CD9: variants seen among roughly 807,000 people sequenced by gnomAD.
CD9 encodes the protein CD9 antigen.
A neutral mutation model predicts 31.4 loss-of-function variants in CD9; 10 were observed. The observed-to-expected ratio is 0.32, with a 90% CI of 0.20 to 0.54. The LOEUF (loss-of-function observed/expected upper bound fraction) is 0.54. Among genes scored for constraint, CD9 ranks in the 20% least tolerant of loss-of-function variants. The probability of loss-of-function intolerance (pLI) is 0.94; values close to 1 mark genes in which losing one functional copy is unlikely to be tolerated. For missense variants in CD9, 259 were observed against 300.1 expected (o/e 0.86, Z 1.01); for synonymous variants, 113 against 114.1 (o/e 0.99, Z 0.06).
intron 1 of CD9, among the ~76,000 whole-genome samples, chr12:6,209,327 G>T (rs551749597): frequency 2.0e-5 from 3 of 152,220 alleles, no homozygotes; most frequent in African/African-American, 7.2e-5. Context: ...CTTGTAGGTG[G>T]GCAGTTGCAG....
intron 1 of CD9, among the ~76,000 whole-genome samples, chr12:6,209,367 A>C (rs1946168003): frequency 6.6e-6 from 1 of 152,190 alleles, no homozygotes; most frequent in African/African-American, 2.4e-5. Flanking sequence ...CCCCAGATTT[A>C]TGCCCAACTC....
chr12:6,200,432 C>G lies in CD9; in HGVS notation c.-68C>G. On this transcript the variant is annotated 5_prime_UTR_variant, in exon 1 of 8. Coordinates refer to ENST00000009180, the MANE Select transcript of CD9 (RefSeq NM_001769.4). ...TGCATCTGTATCCAGCGCCAGGTCCCGCCAGTCCCAGCTGCGCGCGCCCCC... is the reference window on the plus strand; with the variant it reads ...TGCATCTGTATCCAGCGCCAGGTCCGGCCAGTCCCAGCTGCGCGCGCCCCC... The G allele has an allele frequency of 9.6e-7, 1 of 1,041,846 alleles. No homozygotes were observed. Among genetic ancestry groups the G allele is most frequent in the Non-Finnish European group, 1.5e-6 (1 of 664,140 alleles). The allele number at this position is 1,041,846 out of a possible 1,614,324, so 64.5% of individuals were successfully genotyped here. A position where few individuals can be genotyped will look rare whatever the true frequency, so the allele number is the denominator to read the frequency against.
intron 4 of CD9, 79 bp from the exon 5 acceptor site, chr12:6,235,150 A>G (rs1490535483): frequency 2.9e-6 from 3 of 1,051,432 alleles, no homozygotes; most frequent in Non-Finnish European, 2.9e-6. Context: ...AGAGAGAACA[A>G]GATGGAACGC....
At position 6,208,752 on chromosome 12, in the gene CD9, C is replaced by T. The variant is rs569856991; in HGVS notation, c.66+8187C>T. Among the ~76,000 whole-genome samples the T allele has an allele frequency of 3.6e-4, 54 of 151,480 alleles. No individual in the cohort carries two copies. In the South Asian group the frequency reaches 0.01, roughly 29 times the overall value. On this transcript the variant is annotated intron_variant, in intron 1 of 7. Coordinates refer to ENST00000009180, the MANE Select transcript of CD9 (RefSeq NM_001769.4). ...ATGCCCGGCTAATTTTTAGTAGAGA[C>T]GGGGTTTCTCCATGTTGATCAGGCC...
chr12:6,227,439 C>T (rs1415215214), intron 2 of CD9, among the ~76,000 whole-genome samples: 2 of 152,200 alleles, frequency 1.3e-5, no homozygotes, highest in Non-Finnish European at 2.9e-5. Flanking sequence ...CTCAGGTGAT[C>T]CTCCCGTCTT....
intron 1 of CD9, among the ~76,000 whole-genome samples, chr12:6,206,493 G>A (rs1946134199): frequency 6.6e-6 from 1 of 152,084 alleles, no homozygotes. Context: ...CAAAATGCTA[G>A]GATTACAGGA....
At chr12:6,219,852 G>C (rs540758699) in intron 1 of CD9, among the ~76,000 whole-genome samples, 1 of 152,242 alleles carries the variant, frequency 6.6e-6, no homozygotes, top group Non-Finnish European at 1.5e-5. Context: ...GATGGGAAAG[G>C]AAGCTGGTCC....
At chr12:6,231,709 C>T (rs1946448756) in intron 2 of CD9, among the ~76,000 whole-genome samples, 1 of 152,198 alleles carries the variant, frequency 6.6e-6, no homozygotes, top group South Asian at 2.1e-4. Flanking sequence ...GCCCTTCTCT[C>T]ACCTCCTTTC....
At chr12:6,203,121 AG>A (rs1274742691) in intron 1 of CD9, among the ~76,000 whole-genome samples, 3 of 152,206 alleles carry the variant, frequency 2.0e-5, no homozygotes, top group Non-Finnish European at 4.4e-5. Flanking sequence ...GATGTAGCCA[AG>A]AGCAGGAAGC....
intron 1 of CD9, 181 bp from the exon 2 acceptor site, chr12:6,225,245 A>C: frequency 1.7e-6 from 1 of 577,914 alleles, no homozygotes; most frequent in East Asian, 2.9e-5. Context: ...GCTTGCTGGT[A>C]TTTTTAGTAC....
chr12:6,222,688 T>TATTG (rs1408642645), intron 1 of CD9, among the ~76,000 whole-genome samples: 1 of 152,174 alleles, frequency 6.6e-6, no homozygotes, highest in East Asian at 1.9e-4. Flanking sequence ...GGACTTAACA[T>TATTG]ATTGGCTCAG....
chr12:6,201,305 T>TG (rs1946074030), intron 1 of CD9, among the ~76,000 whole-genome samples: 1 of 124,132 alleles, frequency 8.1e-6, no homozygotes, highest in Non-Finnish European at 1.8e-5. Flanking sequence ...TGGAGAGAAC[T>TG]CAGAGTTCGG....
intron 1 of CD9, among the ~76,000 whole-genome samples, chr12:6,218,923 G>A (rs1288246212): frequency 6.6e-6 from 1 of 152,166 alleles, no homozygotes; most frequent in African/African-American, 2.4e-5. Flanking sequence ...ACATAAGAGT[G>A]TTTGACTGGA....
At chr12:6,228,423 G>A (rs1946396953) in intron 2 of CD9, among the ~76,000 whole-genome samples, 1 of 151,912 alleles carries the variant, frequency 6.6e-6, no homozygotes, top group South Asian at 2.1e-4. Flanking sequence ...GTAGTGGCGT[G>A]CACCTATAAT....
intron 1 of CD9, among the ~76,000 whole-genome samples, chr12:6,210,456 T>C (rs1486864816): frequency 6.6e-6 from 1 of 152,168 alleles, no homozygotes; most frequent in Non-Finnish European, 1.5e-5. Context: ...ACCGGCTGTT[T>C]TTTTTAGACT....
At chr12:6,206,667 C>T (rs1946136165) in intron 1 of CD9, among the ~76,000 whole-genome samples, 1 of 152,174 alleles carries the variant, frequency 6.6e-6, no homozygotes, top group African/African-American at 2.4e-5. Context: ...ATCCTGTCCC[C>T]AGATGAGATA....
chr12:6,236,296 C>G (rs752154071), intron 7 of CD9, 21 bp downstream of exon 7: 2 of 1,607,466 alleles, frequency 1.2e-6, no homozygotes, highest in African/African-American at 2.7e-5. Flanking sequence ...GGACGTCGTC[C>G]CAGGAGGGGG....
At chr12:6,221,446 C>T (rs11568230) in intron 1 of CD9, among the ~76,000 whole-genome samples, 1,817 of 152,258 alleles carry the variant, frequency 0.012, 27 homozygotes, top group African/African-American at 0.041. Flanking sequence ...ATCAAACCTG[C>T]TCTGCTCCTG....
At chr12:6,224,353 A>T (rs368669324) in intron 1 of CD9, among the ~76,000 whole-genome samples, 198 of 152,160 alleles carry the variant, frequency 1.3e-3, no homozygotes, top group African/African-American at 4.6e-3. Context: ...AAATCCCCTT[A>T]TGCTCCTGGG....
Sources: allele counts gnomAD v4.1 joint callset (sites outside exome capture counted in the v4.1 genomes callset), GRCh38; gene constraint gnomAD v4.1.1; transcripts MANE v1.5; gene names NCBI Gene and HGNC (gene_info 2026-07-23, HGNC 2026-07-21).